SLC35F4: variants seen among roughly 807,000 people sequenced by gnomAD.
SLC35F4 encodes the protein solute carrier family 35 member F4, also known as chromosome 14 open reading frame 36.
In SLC35F4, 24 loss-of-function variants were observed where a neutral mutation model predicts 44.2. The ratio of observed to expected loss-of-function variants is 0.54; its 90% CI spans 0.39 to 0.76. The LOEUF is 0.76. Among genes scored for constraint, SLC35F4 ranks in the 30% least tolerant of loss-of-function variants. The pLI is 0.00. For missense variants in SLC35F4, 562 were observed against 586.1 expected (o/e 0.96, Z 0.42); for synonymous variants, 238 against 223.6 (o/e 1.06, Z -0.57).
In SLC35F4 at chr14:57,957,890, C is replaced by T. The variant is rs115490056; in HGVS notation, n.282+24023G>A. On this transcript the variant is annotated intron_variant and non_coding_transcript_variant, in intron 1 of 1. Transcript: ENST00000556568. ...AGGATTATAATCTATGTAATACACA[C>T]ACACACACTTACGTATATATTTCCC... Among the ~76,000 whole-genome samples the T allele has an allele frequency of 6.1e-3, 923 of 152,234 alleles. 12 individuals carry two copies. The highest frequency in any genetic ancestry group is 0.021 in the African/African-American group (863 of 41,532).
At chr14:57,663,833 C>A (rs1006493271) in intron 1 of SLC35F4, among the ~76,000 whole-genome samples, 11 of 152,130 alleles carry the variant, frequency 7.2e-5, no homozygotes, top group African/African-American at 2.7e-4. Context: ...TCCTGGGCCA[C>A]CAGGCAAAGC....
rs116225770 is a variant in SLC35F4, at chr14:57,814,086, G to A, written c.103+51637C>T. Among the ~76,000 whole-genome samples, 508 of 152,292 alleles carry A rather than the reference G, an allele frequency of 3.3e-3. 5 individuals are homozygous for A. Among genetic ancestry groups the A allele is most frequent in the African/African-American group, 0.011 (468 of 41,556 alleles). On this transcript the variant is annotated intron_variant, in intron 1 of 7. Coordinates refer to ENST00000556826, the MANE Select transcript of SLC35F4 (RefSeq NM_001306087.2). ...GTATGTATGTATTGAACTTTAACAT[G>A]TTCATCTGCTGATTATAAATAGTAA...
At chr14:57,793,867 T>G (rs529350814) in intron 1 of SLC35F4, among the ~76,000 whole-genome samples, 2 of 152,070 alleles carry the variant, frequency 1.3e-5, no homozygotes, top group Non-Finnish European at 2.9e-5. Flanking sequence ...AGCATTCACA[T>G]AGACCAATAG....
At chr14:57,605,175 C>G (rs977343848) in intron 1 of SLC35F4, among the ~76,000 whole-genome samples, 1 of 152,114 alleles carries the variant, frequency 6.6e-6, no homozygotes, top group African/African-American at 2.4e-5. Flanking sequence ...AACAGACAAC[C>G]TTTAGAATTG....
chr14:57,870,173 T>A (rs1200363961), upstream of SLC35F4, among the ~76,000 whole-genome samples: 1 of 143,202 alleles, frequency 7.0e-6, no homozygotes, highest in Non-Finnish European at 1.5e-5. Flanking sequence ...TCTCTCCCTG[T>A]GTCTCCCTCT....
intron 6 of SLC35F4, among the ~76,000 whole-genome samples, chr14:57,568,514 G>T (rs1361681773): frequency 6.6e-6 from 1 of 152,156 alleles, no homozygotes; most frequent in African/African-American, 2.4e-5. Context: ...CTTAGCAGAG[G>T]TTATGAGAGG....
chr14:57,874,963 G>A (rs1165011722), intron 1 of SLC35F4, among the ~76,000 whole-genome samples: 1 of 123,954 alleles, frequency 8.1e-6, no homozygotes, highest in African/African-American at 4.6e-5. Context: ...TTTTGGAAGA[G>A]GCAGTGGAAT....
chr14:57,608,949 C>T (rs1745695), intron 1 of SLC35F4, among the ~76,000 whole-genome samples: 102,861 of 151,954 alleles, frequency 0.68, 35,599 homozygotes, highest in Non-Finnish European at 0.75. Context: ...GGGGCAAAAG[C>T]CAGACTGGCC....
chr14:57,983,036 A>G (rs952608305), upstream of SLC35F4, among the ~76,000 whole-genome samples: 1 of 152,240 alleles, frequency 6.6e-6, no homozygotes, highest in East Asian at 1.9e-4. Flanking sequence ...CTTGCTGCTC[A>G]GGCTCTGCTA....
chr14:57,630,099 T>C, intron 1 of SLC35F4: 2 of 545,528 alleles, frequency 3.7e-6, no homozygotes, highest in South Asian at 2.8e-5. Flanking sequence ...ATGCTGAAGA[T>C]GCTTACATAA....
chr14:57,664,191 C>A (rs1388758863), intron 1 of SLC35F4, among the ~76,000 whole-genome samples: 1 of 152,160 alleles, frequency 6.6e-6, no homozygotes, highest in Non-Finnish European at 1.5e-5. Flanking sequence ...GCAGAGAACA[C>A]ACATCTAGGT....
intron 5 of SLC35F4, among the ~76,000 whole-genome samples, chr14:57,571,041 G>A (rs1594889043): frequency 6.6e-6 from 1 of 152,182 alleles, no homozygotes; most frequent in East Asian, 1.9e-4. Context: ...CATGCCCTCT[G>A]AGACACAGTG....
At chr14:57,661,589 A>T (rs1310043850) in intron 1 of SLC35F4, among the ~76,000 whole-genome samples, 2 of 152,224 alleles carry the variant, frequency 1.3e-5, no homozygotes, top group African/African-American at 2.4e-5. Context: ...GATAATAGAG[A>T]TAAGTTTCCT....
intron 1 of SLC35F4, among the ~76,000 whole-genome samples, chr14:57,702,256 C>A (rs1301919681): frequency 1.3e-5 from 2 of 151,200 alleles, no homozygotes. Flanking sequence ...CTTTACCCCC[C>A]TGAATACGCA....
intron 1 of SLC35F4, among the ~76,000 whole-genome samples, chr14:57,727,559 A>G (rs561832989): frequency 1.3e-5 from 2 of 150,570 alleles, no homozygotes; most frequent in South Asian, 4.2e-4. Context: ...TACTGCTTTC[A>G]CTGTGTCCCA....
chr14:57,728,562 C>T (rs2076268979), intron 1 of SLC35F4, among the ~76,000 whole-genome samples: 1 of 148,522 alleles, frequency 6.7e-6, no homozygotes, highest in African/African-American at 2.5e-5. Context: ...GATTCTCCTG[C>T]CTCAGCCTCC....
rs372906633 is a variant in SLC35F4, at chr14:57,827,058, C to T, written c.103+38665G>A. Among the ~76,000 whole-genome samples, 35 of 152,152 alleles carry T rather than the reference C, an allele frequency of 2.3e-4. No individual in the cohort carries two copies. In the South Asian group the frequency reaches 6.4e-3, roughly 28 times the overall value. On this transcript the variant is annotated intron_variant, in intron 1 of 7. Coordinates refer to ENST00000556826, the MANE Select transcript of SLC35F4 (RefSeq NM_001306087.2). The stretch of plus-strand genomic sequence containing the variant: ...ATTATATTATAAAGATATATGCACA[C>T]GTATGTTCATTGCAGCACTATTCAC...
At chr14:57,748,036 G>C (rs994583472) in intron 1 of SLC35F4, among the ~76,000 whole-genome samples, 1 of 152,160 alleles carries the variant, frequency 6.6e-6, no homozygotes, top group African/African-American at 2.4e-5. Flanking sequence ...AAATGATGGA[G>C]TGCCTGCACA....
intron 1 of SLC35F4, among the ~76,000 whole-genome samples, chr14:57,892,978 C>A (rs1016689991): frequency 2.6e-5 from 4 of 152,044 alleles, no homozygotes; most frequent in Non-Finnish European, 5.9e-5. Flanking sequence ...TTTATATTAC[C>A]CTATTTCCTG....
Sources: gnomAD v4.1 joint callset for allele counts (sites outside exome capture counted in the v4.1 genomes callset) on GRCh38, gnomAD v4.1.1 for gene constraint, MANE v1.5 for transcripts, NCBI Gene and HGNC (gene_info 2026-07-23, HGNC 2026-07-21) for gene names.